CHD8: variants seen among roughly 807,000 people sequenced by gnomAD.
The protein encoded by CHD8 is chromodomain helicase DNA binding protein 8.
In CHD8, 31 loss-of-function variants were observed where a neutral mutation model predicts 279.2. That is an observed-to-expected ratio of 0.11 (90% CI 0.08 to 0.15). CHD8 has a LOEUF of 0.15. Ranked by LOEUF, CHD8 falls within the 10% of genes least tolerant of loss-of-function variation. The pLI is 1.00. For synonymous variants in CHD8, 1,081 were observed against 1,139.6 expected (o/e 0.95, Z 1.04); for missense variants, 2,146 against 3,230.5 (o/e 0.66, Z 8.14).
intron 11 of CHD8, 47 bp downstream of exon 11, chr14:21,409,804 A>G (rs1398888163): frequency 1.3e-6 from 2 of 1,481,680 alleles, no homozygotes; most frequent in Non-Finnish European, 1.8e-6. Context: ...GAAAAAATTT[A>G]ATCATTTCTT....
Position 21,406,932 on chromosome 14 carries a change from C to T in CHD8, c.2831G>A (p.Cys944Tyr). The change falls in exon 14 of 38, where the codon TGT becomes TAT. Residue 944 changes from cysteine (C) to tyrosine (Y), a missense_variant. Around this residue, in one of 26 missense-constraint regions of CHD8, gnomAD observed 211 missense variants for 464.7 expected, o/e 0.45. Transcript: ENST00000646647. ...TCGATGGGCTTCATCAATGATAACA[C>T]AACGCCATTCAATTTCACGAAGCTC... is the stretch of plus-strand genomic sequence containing the variant. ...CPELREIEWR[C>Y]VIIDEAHRLK... The T allele has an allele frequency of 6.2e-7, 1 of 1,613,114 alleles. No homozygotes were observed. Among genetic ancestry groups the T allele is most frequent in the Non-Finnish European group, 8.5e-7 (1 of 1,179,580 alleles).
rs942409181 is a variant in CHD8, at chr14:21,401,774, GAGGTTTCACC to G, written c.4062+173_4062+182del. The G allele has an allele frequency of 6.6e-6, 4 of 606,794 alleles. No individual in the cohort carries two copies. The Admixed American group carries it at 1.0e-4, about 16-fold the overall frequency. 37.6% of individuals were successfully genotyped at this position (606,794 alleles called of 1,614,324 possible). ...TAATTTTTGTATTTTTGGTAGAGAT[GAGGTTTCACC>G]ATGTTGGGCAGGCTGGGTCTCGAAC... On this transcript the variant is annotated intron_variant, in intron 20 of 37. Coordinates refer to ENST00000646647, the MANE Select transcript of CHD8 (RefSeq NM_001170629.2).
intron 27 of CHD8, chr14:21,397,196 G>T: frequency 2.7e-6 from 1 of 372,756 alleles, no homozygotes; most frequent in South Asian, 2.0e-5. Flanking sequence ...TCCTTTGAGG[G>T]TCCTACACTA....
At position 21,400,111 on chromosome 14, in the gene CHD8, G is replaced by C. The variant is rs368247316; in HGVS notation, c.4727+40C>G. 1.1e-5 allele frequency: 17 copies of C among 1,613,284 alleles called. No individual in the cohort carries two copies. In the African/African-American group the frequency reaches 2.1e-4, roughly 20 times the overall value. On this transcript the variant is annotated intron_variant, in intron 24 of 37. Transcript: ENST00000646647. This position sits in a 1 kb window ranked among gnomAD's most constrained non-coding sequence, Gnocchi z 4.2. ...GAAGAGCTGGCTCAGTAACACTGTA[G>C]AAGTTTGAGGTGGAAAATGTCTGCT...
rs1391261524 is a variant in CHD8 at position 21,432,992 on chromosome 14, T to C, written c.-215-1134A>G. ...AATATATAAAAATTTGTTATGAATG[T>C]ATGCAATGTACACCCTCCACAACTC... On this transcript the variant is annotated intron_variant, in intron 1 of 37. Coordinates refer to ENST00000646647, the MANE Select transcript of CHD8 (RefSeq NM_001170629.2). Among the ~76,000 whole-genome samples, 3 of 152,178 alleles carry C rather than the reference T, an allele frequency of 2.0e-5. No homozygotes were observed. In the East Asian group the frequency reaches 5.8e-4, roughly 29 times the overall value.
At position 21,408,581 on chromosome 14, in the gene CHD8, A is replaced by C. The variant is rs1398467742; in HGVS notation, c.2487-26T>G. The C allele has an allele frequency of 6.3e-7, 1 of 1,596,200 alleles. No individual in the cohort carries two copies. The highest frequency in any genetic ancestry group is 8.5e-7 in the Non-Finnish European group (1 of 1,171,112). On this transcript the variant is annotated intron_variant, in intron 12 of 37. Transcript: ENST00000646647. The surrounding 1 kb of genome is among the most constrained non-coding windows in gnomAD (Gnocchi z 4.3). The stretch of plus-strand genomic sequence containing the variant: ...CTGCAGATTCACCATGGGAAAAAAA[A>C]AATGTTAAAAGATACTATCTTTAAA...
chr14:21,392,273 A>G (rs1887581371), intron 34 of CHD8: 1 of 756,024 alleles, frequency 1.3e-6, no homozygotes, highest in South Asian at 1.4e-5. Context: ...GCTATTCCTA[A>G]GCATACTAAT....
chr14:21,406,749 A>C, intron 14 of CHD8, 107 bp downstream of exon 14: 2 of 986,424 alleles, frequency 2.0e-6, no homozygotes, highest in Non-Finnish European at 2.9e-6. Context: ...ACTGTTCAAT[A>C]CCACGATTCA....
chr14:21,392,117 T>C (rs1887570256), intron 34 of CHD8, 171 bp from the exon 35 acceptor site: 1 of 763,212 alleles, frequency 1.3e-6, no homozygotes, highest in Non-Finnish European at 2.4e-6. Flanking sequence ...ATACACACTT[T>C]TTCCTTAGAA....
At chr14:21,441,872 G>A (rs1368874941) in intron 1 of CHD8, among the ~76,000 whole-genome samples, 2 of 148,722 alleles carry the variant, frequency 1.3e-5, no homozygotes, top group Non-Finnish European at 3.0e-5. Flanking sequence ...CTGGGTGACA[G>A]AGCGAGACTC....
At position 21,401,463 on chromosome 14, in the gene CHD8, G is replaced by C. The variant is rs576454823; in HGVS notation, c.4113C>G (p.Pro1371=). Reference sequence around the variant, plus strand: ...TTTTGGCCCACTTTTGCCAAAAGTTGGGGTCATCCAAAGAAATATCTGTCC... The same window carrying C: ...TTTTGGCCCACTTTTGCCAAAAGTTCGGGTCATCCAAAGAAATATCTGTCC... ...ENRTDISLDD[P]NFWQKWAKKA... is the part of the protein sequence containing the mutation. The change falls in exon 21 of 38, where the codon CCC becomes CCG. Residue 1371 remains proline (P), a synonymous_variant. Coordinates refer to ENST00000646647, the MANE Select transcript of CHD8 (RefSeq NM_001170629.2). The C allele has an allele frequency of 1.2e-5, 19 of 1,601,552 alleles. 2 individuals carry two copies. The African/African-American group carries it at 1.3e-4, about 11-fold the overall frequency.
chr14:21,397,692 G>A (rs545522843), intron 27 of CHD8, 131 bp downstream of exon 27: 2 of 863,070 alleles, frequency 2.3e-6, no homozygotes, highest in South Asian at 3.5e-5. Context: ...CCTTTCTGCT[G>A]GTCCTATTTT....
chr14:21,414,449 G>T, intron 8 of CHD8, 31 bp from the exon 9 acceptor site: 1 of 1,196,870 alleles, frequency 8.4e-7, no homozygotes, highest in Non-Finnish European at 1.2e-6. Flanking sequence ...CAGTCATGGT[G>T]CAAGTAAAAG....
At chr14:21,432,641 T>C (rs774376658) in intron 1 of CHD8, among the ~76,000 whole-genome samples, 17 of 152,236 alleles carry the variant, frequency 1.1e-4, no homozygotes, top group Non-Finnish European at 1.9e-4. Flanking sequence ...CTTATGATGC[T>C]GTGCTTTCTG....
chr14:21,443,905 G>A (rs1290833215), intron 1 of CHD8, among the ~76,000 whole-genome samples: 6 of 149,596 alleles, frequency 4.0e-5, no homozygotes, highest in Non-Finnish European at 8.9e-5. Context: ...TCCACTGGAT[G>A]TAATACTTGA....
chr14:21,403,327 TGA>T lies in CHD8; in HGVS notation c.3519-117_3519-116del. The T allele has an allele frequency of 1.0e-5, 13 of 1,275,414 alleles. No individual in the cohort carries two copies. The South Asian group carries it at 1.5e-4, about 15-fold the overall frequency. The allele number at this position is 1,275,414 out of a possible 1,614,324, so 79.0% of individuals were successfully genotyped here. A position where few individuals can be genotyped will look rare whatever the true frequency, so the allele number is the denominator to read the frequency against. On this transcript the variant is annotated intron_variant, in intron 17 of 37. Coordinates refer to ENST00000646647, the MANE Select transcript of CHD8 (RefSeq NM_001170629.2). This position sits in a 1 kb window ranked among gnomAD's most constrained non-coding sequence, Gnocchi z 4.3. Reference sequence around the variant, plus strand: ...ATCAAAGCTGGTCAAAAACCCAAGTTGAGAGTGAGAATCTTAAAAACTTCTCT... The same window carrying T: ...ATCAAAGCTGGTCAAAAACCCAAGTTGAGTGAGAATCTTAAAAACTTCTCT...
At position 21,434,901 on chromosome 14, in the gene CHD8, T is replaced by C. The variant is rs138597191; in HGVS notation, c.-215-3043A>G. On this transcript the variant is annotated intron_variant, in intron 1 of 37. Transcript: ENST00000646647. ...CTATATCCACATACGGCCTATTTAT[T>C]CTACCAAGCTCATCTATCTCATGAA... Among the ~76,000 whole-genome samples, 483 of 152,328 alleles carry C rather than the reference T, an allele frequency of 3.2e-3. 2 individuals are homozygous for C. Among genetic ancestry groups the C allele is most frequent in the African/African-American group, 0.011 (470 of 41,574 alleles).
chr14:21,434,304 C>T (rs1253567802), intron 1 of CHD8, among the ~76,000 whole-genome samples: 1 of 152,102 alleles, frequency 6.6e-6, no homozygotes. Flanking sequence ...CCTCAGCCTC[C>T]CAAAGTGCTG....
intron 2 of CHD8, chr14:21,430,428 A>G (rs1345882495): frequency 5.7e-6 from 1 of 176,460 alleles, no homozygotes; most frequent in African/African-American, 2.4e-5. Context: ...ATAATTCTTC[A>G]AAGATGTTTC....
Sources: allele counts gnomAD v4.1 joint callset (sites outside exome capture counted in the v4.1 genomes callset), GRCh38; gene constraint gnomAD v4.1.1; regional missense constraint gnomAD v4.1.1; non-coding constraint Gnocchi (gnomAD v3.1); transcripts MANE v1.5; gene names NCBI Gene and HGNC (gene_info 2026-07-23, HGNC 2026-07-21).